Variants in DYRK1A observed in about 807,000 individuals in gnomAD.
DYRK1A encodes dual specificity tyrosine-phosphorylation-regulated kinase 1A.
In DYRK1A, 9 loss-of-function variants were observed where a neutral mutation model predicts 79.7. The ratio of observed to expected loss-of-function variants is 0.11; its 90% CI spans 0.07 to 0.20. DYRK1A has a LOEUF of 0.20. Ranked by LOEUF, DYRK1A falls within the 10% of genes least tolerant of loss-of-function variation. The probability of loss-of-function intolerance (pLI) is 1.00; values close to 1 mark genes in which losing one functional copy is unlikely to be tolerated. For synonymous variants in DYRK1A, 349 were observed against 329.7 expected, an observed-to-expected ratio of 1.06 and a Z score of -0.63; for missense variants, 622 against 956.0, an observed-to-expected ratio of 0.65 and a Z score of 4.61.
At chr21:37,490,150 A>C (rs2053032496) in intron 6 of DYRK1A, 25 bp from the exon 7 acceptor site, 1 of 1,598,858 alleles carries the variant, frequency 6.3e-7, no homozygotes, top group Admixed American at 1.7e-5. Flanking sequence ...TATATAATTT[A>C]AAATGAAACT....
chr21:37,498,699 A>G (rs906280028), intron 9 of DYRK1A, among the ~76,000 whole-genome samples: 1 of 152,168 alleles, frequency 6.6e-6, no homozygotes, highest in Non-Finnish European at 1.5e-5. Flanking sequence ...ACAGTCTAAG[A>G]GTAGAATTGC....
rs943374749 is a variant in DYRK1A at position 37,518,719 on chromosome 21, G to T, written c.*6188G>T. The T allele has an allele frequency of 1.3e-5, 2 of 150,726 alleles. No homozygotes were observed. The highest frequency in any genetic ancestry group is 2.4e-5 in the African/African-American group (1 of 40,830). The allele number at this position is 150,726 out of a possible 1,614,324, so 9.3% of individuals were successfully genotyped here. A position where few individuals can be genotyped will look rare whatever the true frequency, so the allele number is the denominator to read the frequency against. Reference sequence around the variant, plus strand: ...CAACCTCCATTTCCCAGATTCAAGCGATTCTCGTGCCTCAGCCTTTCAAGT... The same window carrying T: ...CAACCTCCATTTCCCAGATTCAAGCTATTCTCGTGCCTCAGCCTTTCAAGT... On this transcript the variant is annotated 3_prime_UTR_variant, in exon 12 of 12. Coordinates refer to ENST00000647188, the MANE Select transcript of DYRK1A (RefSeq NM_001347721.2).
chr21:37,456,567 G>GT (rs1253162537), intron 2 of DYRK1A, among the ~76,000 whole-genome samples: 2 of 152,132 alleles, frequency 1.3e-5, no homozygotes, highest in Non-Finnish European at 2.9e-5. Context: ...TCTGAGATCA[G>GT]TTTATCTTTA....
chr21:37,507,613 CT>C (rs1409193845), intron 11 of DYRK1A, among the ~76,000 whole-genome samples: 1 of 152,128 alleles, frequency 6.6e-6, no homozygotes, highest in Admixed American at 6.5e-5. Flanking sequence ...TTTCCCCACT[CT>C]TTGAAACACT....
At chr21:37,489,633 T>TAAAA (rs58419137) in intron 6 of DYRK1A, among the ~76,000 whole-genome samples, 3 of 143,586 alleles carry the variant, frequency 2.1e-5, no homozygotes, top group Non-Finnish European at 1.5e-5. Context: ...GCCTAAAGGG[T>TAAAA]AAAAAAAAAA....
At chr21:37,490,908 A>G (rs574535019) in intron 7 of DYRK1A, among the ~76,000 whole-genome samples, 1 of 152,182 alleles carries the variant, frequency 6.6e-6, no homozygotes, top group East Asian at 1.9e-4. Flanking sequence ...TTTAGTATAA[A>G]TTTTGGGACT....
In DYRK1A at chr21:37,462,585, G is replaced by A. The variant is rs548253812; in HGVS notation, c.11-10099G>A. Reference sequence around the variant, plus strand: ...CTTCATGGTCCTTCTCCCAGTGCTTGTGCAGCTTAGCATTTGGCCAAAGAG... The same window carrying A: ...CTTCATGGTCCTTCTCCCAGTGCTTATGCAGCTTAGCATTTGGCCAAAGAG... On this transcript the variant is annotated intron_variant, in intron 2 of 11. Transcript: ENST00000647188. Among the ~76,000 whole-genome samples the A allele has an allele frequency of 3.3e-5, 5 of 152,264 alleles. No individual in the cohort carries two copies. The East Asian group carries it at 9.7e-4, about 29-fold the overall frequency.
intron 7 of DYRK1A, among the ~76,000 whole-genome samples, chr21:37,490,707 C>A (rs1197592279): frequency 6.6e-6 from 1 of 151,526 alleles, no homozygotes; most frequent in South Asian, 2.1e-4. Flanking sequence ...CACTTAATTA[C>A]CTTGTGTTGA....
At chr21:37,502,940 G>T (rs1242151791) in intron 9 of DYRK1A, 1 of 152,182 alleles carries the variant, frequency 6.6e-6, no homozygotes, top group Non-Finnish European at 1.5e-5. Context: ...GCTTAAAGAT[G>T]TATTGACTTT....
intron 2 of DYRK1A, among the ~76,000 whole-genome samples, chr21:37,467,310 CCCT>C (rs1419935717): frequency 1.3e-5 from 2 of 152,118 alleles, no homozygotes; most frequent in East Asian, 1.9e-4. Context: ...GCTCACTGCA[CCCT>C]CCTCCTCCTG....
chr21:37,491,554 T>C (rs1309047781), intron 7 of DYRK1A, among the ~76,000 whole-genome samples: 1 of 152,204 alleles, frequency 6.6e-6, no homozygotes, highest in East Asian at 1.9e-4. Context: ...TTATAGCCAA[T>C]TAATAGGACT....
intron 1 of DYRK1A, among the ~76,000 whole-genome samples, chr21:37,385,473 C>A (rs1391194598): frequency 6.6e-6 from 1 of 152,158 alleles, no homozygotes; most frequent in Non-Finnish European, 1.5e-5. Flanking sequence ...TCTGACACAC[C>A]CACTTACTTT....
At position 37,486,586 on chromosome 21, in the gene DYRK1A, A is replaced by G; in HGVS notation, c.609A>G (p.Lys203=). 1 of 1,592,918 alleles carries G rather than the reference A, an allele frequency of 6.3e-7. No homozygotes were observed. Among genetic ancestry groups the G allele is most frequent in the Non-Finnish European group, 8.5e-7 (1 of 1,171,044 alleles). Residue 203 remains lysine, a synonymous_variant, in exon 6 of 12, where the codon AAA becomes AAG. Transcript: ENST00000647188. The stretch of plus-strand genomic sequence containing the variant: ...TGCGACTTCTTGAGCTCATGAACAA[A>G]CATGACACTGAAATGAAATACTACA... The part of the protein sequence containing the change: ...IEVRLLELMN[K]HDTEMKYYIV...
chr21:37,472,650 A>T, intron 2 of DYRK1A, 34 bp from the exon 3 acceptor site: 1 of 1,501,348 alleles, frequency 6.7e-7, no homozygotes, highest in Non-Finnish European at 9.1e-7. Context: ...TAGGATATGA[A>T]TATTTCCTTT....
intron 6 of DYRK1A, chr21:37,487,199 A>C (rs1218765628): frequency 6.6e-6 from 1 of 152,174 alleles, no homozygotes; most frequent in Non-Finnish European, 1.5e-5. Flanking sequence ...AGATGGTAGA[A>C]TCCTTAAGTT....
chr21:37,489,695 C>G (rs1444443915), intron 6 of DYRK1A, among the ~76,000 whole-genome samples: 3 of 151,430 alleles, frequency 2.0e-5, no homozygotes, highest in Admixed American at 1.3e-4. Context: ...ATCTAAAGTT[C>G]AGCAGTGCAG....
At chr21:37,483,766 A>G (rs1051896779) in intron 5 of DYRK1A, among the ~76,000 whole-genome samples, 5 of 151,990 alleles carry the variant, frequency 3.3e-5, no homozygotes, top group Non-Finnish European at 7.4e-5. Context: ...GTTTTTTTGT[A>G]GAGGTGAGGT....
chr21:37,401,143 CAAAAA>C (rs556123762), intron 1 of DYRK1A, among the ~76,000 whole-genome samples: 1 of 144,090 alleles, frequency 6.9e-6, no homozygotes, highest in African/African-American at 2.6e-5. Context: ...GATTCTGTCT[CAAAAA>C]AAAAGGAAAG....
chr21:37,369,046 A>G (rs957567914), intron 1 of DYRK1A, among the ~76,000 whole-genome samples: 1 of 152,202 alleles, frequency 6.6e-6, no homozygotes, highest in African/African-American at 2.4e-5. Context: ...TTGTACTTCA[A>G]ACAATTTTGA....
Sources: allele counts gnomAD v4.1 joint callset (sites outside exome capture counted in the v4.1 genomes callset), GRCh38; gene constraint gnomAD v4.1.1; transcripts MANE v1.5; gene names NCBI Gene and HGNC (gene_info 2026-07-23, HGNC 2026-07-21).